The following FABP12 variants were observed in gnomAD, a reference collection of about 807,000 sequenced individuals.
FABP12 encodes the protein fatty acid-binding protein 12.
A neutral mutation model predicts 13.7 loss-of-function variants in FABP12; 19 were observed. The ratio of observed to expected loss-of-function variants is 1.39; its 90% CI spans 0.97 to 2.04. FABP12 has a LOEUF of 2.04. FABP12 is among the 30% of genes most tolerant of loss of function. The pLI is 0.00. For synonymous variants in FABP12, 61 were observed against 57.0 expected (o/e 1.07, Z -0.32); for missense variants, 182 against 164.2 (o/e 1.11, Z -0.59).
chr8:81,556,341 A>G (rs941790338), intron 1 of FABP12, among the ~76,000 whole-genome samples: 16 of 152,170 alleles, frequency 1.1e-4, no homozygotes, highest in Admixed American at 1.0e-3. Flanking sequence ...AAGAGGTTAT[A>G]TTAAAAATAC....
chr8:81,534,183 C>A (rs1271014470), upstream of FABP12, among the ~76,000 whole-genome samples: 1 of 152,032 alleles, frequency 6.6e-6, no homozygotes, highest in Non-Finnish European at 1.5e-5. Context: ...ACACCTCCAG[C>A]ACCGTGGAGT....
At chr8:81,530,314 C>T (rs1166415534) in intron 2 of FABP12, among the ~76,000 whole-genome samples, 2 of 152,064 alleles carry the variant, frequency 1.3e-5, no homozygotes, top group Non-Finnish European at 2.9e-5. Context: ...TAGATATATA[C>T]TTTTTCATAG....
intron 1 of FABP12, among the ~76,000 whole-genome samples, chr8:81,573,538 G>A (rs553261783): frequency 3.7e-4 from 56 of 152,230 alleles, no homozygotes; most frequent in African/African-American, 1.3e-3. Flanking sequence ...GATTGCTTTT[G>A]GCAGTATGGT....
chr8:81,582,820 A>T (rs1810186890), intron 1 of FABP12, among the ~76,000 whole-genome samples: 1 of 152,182 alleles, frequency 6.6e-6, no homozygotes, highest in Non-Finnish European at 1.5e-5. Context: ...CTTAACAAAG[A>T]AATATTGGAT....
chr8:81,557,472 G>A (rs1407640000), intron 1 of FABP12, among the ~76,000 whole-genome samples: 4 of 152,154 alleles, frequency 2.6e-5, no homozygotes, highest in African/African-American at 9.7e-5. Context: ...TCCACTGAAT[G>A]TGGGTCAAAT....
rs557981617 is a variant in FABP12 at position 81,525,541 on chromosome 8, G to C, written c.349-421C>G. Among the ~76,000 whole-genome samples the C allele has an allele frequency of 2.7e-5, 4 of 150,692 alleles. No homozygotes were observed. In the East Asian group the frequency reaches 7.8e-4, roughly 29 times the overall value. Reference sequence around the variant, plus strand: ...AAAAAAAAAAAAAAATAGATAGATAGATAGATAGATAGATGATAGATAGAT... The same window carrying C: ...AAAAAAAAAAAAAAATAGATAGATACATAGATAGATAGATGATAGATAGAT... On this transcript the variant is annotated intron_variant, in intron 4 of 4. Transcript: ENST00000360464.
At chr8:81,535,585 T>A (rs562891517), upstream of FABP12, among the ~76,000 whole-genome samples, 1 of 152,332 alleles carries the variant, frequency 6.6e-6, no homozygotes, top group African/African-American at 2.4e-5. Flanking sequence ...ATTACCTAGC[T>A]GCTGTATGTC....
exon 2 of FABP12, among the ~76,000 whole-genome samples, chr8:81,539,699 G>A (rs1397116770): frequency 6.6e-6 from 1 of 152,150 alleles, no homozygotes; most frequent in Non-Finnish European, 1.5e-5. Flanking sequence ...GTCTGCTTCT[G>A]AGCAATCATG....
At position 81,568,129 on chromosome 8, in the gene FABP12, CA is replaced by C. The variant is rs751713921; in HGVS notation, c.-185+21923del. Among the ~76,000 whole-genome samples the C allele has an allele frequency of 2.6e-3, 260 of 99,492 alleles. 2 individuals are homozygous for C. The highest frequency in any genetic ancestry group is 5.3e-3 in the African/African-American group (142 of 26,746). 65.3% of individuals were successfully genotyped at this position (99,492 alleles called of 152,430 possible). On this transcript the variant is annotated intron_variant, in intron 1 of 5. Coordinates refer to the FABP12 transcript ENST00000692030. ...TGGGCGACAGAGCGAGACTCCGTCT[CA>C]AAAAAAAAAAAAAAAGTTTCCACAC...
At chr8:81,566,178 T>G (rs996868248) in intron 1 of FABP12, among the ~76,000 whole-genome samples, 2 of 151,914 alleles carry the variant, frequency 1.3e-5, no homozygotes, top group Non-Finnish European at 2.9e-5. Flanking sequence ...TAATAAAAAG[T>G]CTTCCAGCAA....
chr8:81,567,721 G>A (rs1809852643), intron 1 of FABP12, among the ~76,000 whole-genome samples: 3 of 152,110 alleles, frequency 2.0e-5, no homozygotes, highest in Admixed American at 6.5e-5. Flanking sequence ...AAAAAATATT[G>A]GGGAAACTCT....
intron 1 of FABP12, among the ~76,000 whole-genome samples, chr8:81,557,909 T>A (rs1381422290): frequency 6.6e-6 from 1 of 152,230 alleles, no homozygotes; most frequent in Non-Finnish European, 1.5e-5. Context: ...TCCTGAGTTT[T>A]GAAAGTAACA....
chr8:81,526,468 T>A (rs1335099302), intron 4 of FABP12: 2 of 152,300 alleles, frequency 1.3e-5, no homozygotes, highest in East Asian at 3.8e-4. Flanking sequence ...TAAGTCAATG[T>A]CTGAATTTCA....
At chr8:81,529,649 A>C (rs778091828) in intron 2 of FABP12, 39 bp from the exon 3 acceptor site, 3 of 1,539,528 alleles carry the variant, frequency 1.9e-6, no homozygotes, top group Non-Finnish European at 1.8e-6. Context: ...TTTTTGCATA[A>C]AGAATTACAA....
At chr8:81,576,498 A>AACACACAC (rs1013311428) in intron 1 of FABP12, among the ~76,000 whole-genome samples, 2 of 151,658 alleles carry the variant, frequency 1.3e-5, no homozygotes, top group Non-Finnish European at 2.9e-5. Context: ...ATATAACACA[A>AACACACAC]ACACACACAC....
chr8:81,574,554 A>G (rs903623291), intron 1 of FABP12, among the ~76,000 whole-genome samples: 1 of 152,136 alleles, frequency 6.6e-6, no homozygotes, highest in Admixed American at 6.6e-5. Flanking sequence ...AATGTCTGGT[A>G]GAATTCTGCT....
intron 1 of FABP12, among the ~76,000 whole-genome samples, chr8:81,586,388 CT>C (rs1810239514): frequency 6.6e-6 from 1 of 151,962 alleles, no homozygotes; most frequent in Non-Finnish European, 1.5e-5. Context: ...CAAATGGTAC[CT>C]CTATTTTAAG....
chr8:81,576,245 T>A (rs2130088850), intron 1 of FABP12, among the ~76,000 whole-genome samples: 1 of 152,276 alleles, frequency 6.6e-6, no homozygotes, highest in East Asian at 1.9e-4. Context: ...ATGCCACATT[T>A]ATGAGATTAG....
Position 81,572,706 on chromosome 8 carries a change from T to A in FABP12, c.-185+17347A>T, listed in dbSNP as rs992680053. On this transcript the variant is annotated intron_variant, in intron 1 of 5. Coordinates refer to the FABP12 transcript ENST00000692030. The stretch of plus-strand genomic sequence containing the variant: ...TGATTTGCATTTCCCTCATTAGTGA[T>A]GTTGAGCGTTTTTTCATATGTTTAT... Among the ~76,000 whole-genome samples the A allele has an allele frequency of 9.9e-5, 15 of 152,226 alleles. No individual in the cohort carries two copies. In the East Asian group the frequency reaches 1.5e-3, roughly 16 times the overall value.
Sources: allele counts gnomAD v4.1 joint callset (sites outside exome capture counted in the v4.1 genomes callset), GRCh38; gene constraint gnomAD v4.1.1; transcripts MANE v1.5; gene names NCBI Gene and HGNC (gene_info 2026-07-23, HGNC 2026-07-21).